RPS6KA2: variants seen among roughly 807,000 people sequenced by gnomAD.
RPS6KA2 encodes the protein ribosomal protein S6 kinase alpha-2.
RPS6KA2 carries 42 observed loss-of-function variants against 91.8 expected under a neutral mutation model. The observed-to-expected ratio is 0.46, with a 90% CI of 0.36 to 0.59. RPS6KA2 has a LOEUF of 0.59. Ranked by LOEUF, RPS6KA2 falls within the 20% of genes least tolerant of loss-of-function variation. The probability of loss-of-function intolerance (pLI) is 0.00; values close to 1 mark genes in which losing one functional copy is unlikely to be tolerated. For synonymous variants in RPS6KA2, 414 were observed against 393.6 expected, an observed-to-expected ratio of 1.05 and a Z score of -0.61; for missense variants, 798 against 978.5, an observed-to-expected ratio of 0.82 and a Z score of 2.46.
intron 2 of RPS6KA2, among the ~76,000 whole-genome samples, chr6:166,703,728 T>C (rs1789598901): frequency 6.6e-6 from 1 of 152,244 alleles, no homozygotes; most frequent in South Asian, 2.1e-4. Context: ...GGATTTTGTT[T>C]AGAAGAATGC....
intron 2 of RPS6KA2, among the ~76,000 whole-genome samples, chr6:166,789,712 C>T (rs1028941354): frequency 5.9e-5 from 9 of 152,152 alleles, no homozygotes; most frequent in South Asian, 4.1e-4. Context: ...CACCAATATC[C>T]GCTGTTCTGC....
At chr6:166,620,184 C>A (rs1786574000) in intron 1 of RPS6KA2, among the ~76,000 whole-genome samples, 1 of 152,214 alleles carries the variant, frequency 6.6e-6, no homozygotes, top group Admixed American at 6.5e-5. Context: ...GGTATGAGGC[C>A]TGTTTTTCTT....
intron 1 of RPS6KA2, among the ~76,000 whole-genome samples, chr6:166,578,889 G>A (rs918222386): frequency 3.3e-5 from 5 of 152,202 alleles, no homozygotes; most frequent in East Asian, 1.9e-4. Flanking sequence ...GGACAGGAAC[G>A]TCACAGCTTA....
intron 2 of RPS6KA2, among the ~76,000 whole-genome samples, chr6:166,828,505 T>A (rs1780102527): frequency 6.6e-6 from 1 of 152,246 alleles, no homozygotes; most frequent in South Asian, 2.1e-4. Flanking sequence ...AAGTACTTTA[T>A]CTATGGGAAT....
At chr6:166,449,416 C>T (rs182752865) in intron 13 of RPS6KA2, among the ~76,000 whole-genome samples, 193 of 152,260 alleles carry the variant, frequency 1.3e-3, no homozygotes, top group African/African-American at 4.5e-3. Flanking sequence ...AAATCCAATG[C>T]CATTCAACTT....
At chr6:166,565,752 G>T (rs1784481124) in intron 1 of RPS6KA2, among the ~76,000 whole-genome samples, 1 of 152,194 alleles carries the variant, frequency 6.6e-6, no homozygotes, top group Non-Finnish European at 1.5e-5. Flanking sequence ...GCTGGGGAGG[G>T]GTGCTCCTGT....
At chr6:166,851,389 C>T (rs189557085) in intron 2 of RPS6KA2, among the ~76,000 whole-genome samples, 158 of 152,290 alleles carry the variant, frequency 1.0e-3, no homozygotes, top group African/African-American at 3.4e-3. Context: ...ACGACCTCAA[C>T]GCAGAAGGTG....
chr6:166,620,761 G>A (rs530240397), intron 1 of RPS6KA2, among the ~76,000 whole-genome samples: 1 of 152,366 alleles, frequency 6.6e-6, no homozygotes, highest in South Asian at 2.1e-4. Flanking sequence ...CACTGATGAA[G>A]CATTTAATAA....
intron 3 of RPS6KA2, among the ~76,000 whole-genome samples, chr6:166,517,336 T>C (rs925292361): frequency 2.0e-4 from 30 of 151,344 alleles, no homozygotes; most frequent in South Asian, 8.3e-4. Context: ...AATCTGGCCA[T>C]AAACTGGCCC....
intron 1 of RPS6KA2, among the ~76,000 whole-genome samples, chr6:166,578,644 A>C (rs73257265): frequency 0.033 from 5,089 of 152,294 alleles, 286 homozygotes; most frequent in African/African-American, 0.12. Flanking sequence ...AGCATGCTCC[A>C]ATCTAGAGAG....
rs1778322718 is a variant in RPS6KA2, at chr6:166,412,060, T to A, written c.*702A>T. ...CTCCTCCGAGAGGCACCCCCTTCCATCCTGGTGACACGGAGCTCTCAAGGC... is the reference window on the plus strand; with the variant it reads ...CTCCTCCGAGAGGCACCCCCTTCCAACCTGGTGACACGGAGCTCTCAAGGC... On this transcript the variant is annotated 3_prime_UTR_variant, in exon 21 of 21. Transcript: ENST00000265678. The surrounding 1 kb of genome is among the most constrained non-coding windows in gnomAD (Gnocchi z 4.3). 6.6e-6 allele frequency: 1 copy of A among 152,060 alleles called. No homozygotes were observed. Among genetic ancestry groups the A allele is most frequent in the African/African-American group, 2.4e-5 (1 of 41,268 alleles). The allele number at this position is 152,060 out of a possible 1,614,324, so 9.4% of individuals were successfully genotyped here. A position where few individuals can be genotyped will look rare whatever the true frequency, so the allele number is the denominator to read the frequency against.
rs187607375 is a variant in RPS6KA2 at position 166,745,858 on chromosome 6, C to T, written c.123+112342G>A. Among the ~76,000 whole-genome samples, 440 of 152,282 alleles carry T rather than the reference C, an allele frequency of 2.9e-3. 3 individuals are homozygous for T. The highest frequency in any genetic ancestry group is 9.8e-3 in the African/African-American group (407 of 41,562). ...CCGAAATGTGGAGGTTAGAATCCAT[C>T]GTCTCTACAACTGGTGACTCAAAAA... On this transcript the variant is annotated intron_variant, in intron 2 of 21. Coordinates refer to the RPS6KA2 transcript ENST00000503859.
intron 17 of RPS6KA2, among the ~76,000 whole-genome samples, chr6:166,420,166 A>G (rs1225785865): frequency 6.6e-6 from 1 of 152,182 alleles, no homozygotes; most frequent in South Asian, 2.1e-4. Context: ...ATGGTAAACT[A>G]GTACTCTTTC....
chr6:166,421,849 T>C (rs1778732009), intron 17 of RPS6KA2, among the ~76,000 whole-genome samples: 2 of 152,082 alleles, frequency 1.3e-5, no homozygotes. Context: ...AATATTAATA[T>C]TGATTAAGTA....
In RPS6KA2 at chr6:166,627,079, A is replaced by C. The variant is rs543433775; in HGVS notation, c.-60T>G. 3,686 of 1,292,162 alleles carry C rather than the reference A, an allele frequency of 2.9e-3. 73 individuals are homozygous for C. In the African/African-American group the frequency reaches 0.045, roughly 16 times the overall value. 80.0% of individuals were successfully genotyped at this position (1,292,162 alleles called of 1,614,324 possible). ...GGGGGACGCGCATCCCCGGCATCCC[A>C]GGCGCGGGGCTCAGGTCCGCGGGCG... On this transcript the variant is annotated 5_prime_UTR_variant, in exon 1 of 21. Transcript: ENST00000265678.
At chr6:166,862,446 C>A in exon 1 of RPS6KA2, 1 of 1,213,724 alleles carries the variant, frequency 8.2e-7, no homozygotes, top group Non-Finnish European at 1.1e-6. Context: ...GAGCTGCTGC[C>A]GCTTCCCGCT....
Position 166,410,335 on chromosome 6 carries a change from G to A in RPS6KA2, c.*2427C>T, listed in dbSNP as rs1317668369. On this transcript the variant is annotated 3_prime_UTR_variant, in exon 21 of 21. Transcript: ENST00000265678. ...ATTCTAAGAACACCTTCATTTACAT[G>A]TCGACTGCTGCTTGAAAGCAGTCAC... 6.6e-6 allele frequency: 1 copy of A among 152,382 alleles called. No individual in the cohort carries two copies. The highest frequency in any genetic ancestry group is 1.5e-5 in the Non-Finnish European group (1 of 68,022). 9.4% of individuals were successfully genotyped at this position (152,382 alleles called of 1,614,324 possible). A position where few individuals can be genotyped will look rare whatever the true frequency, so the allele number is the denominator to read the frequency against.
intron 2 of RPS6KA2, among the ~76,000 whole-genome samples, chr6:166,781,278 C>T (rs2128610397): frequency 6.6e-6 from 1 of 152,332 alleles, no homozygotes; most frequent in South Asian, 2.1e-4. Context: ...CTTAATTATA[C>T]ATAAGTTGAC....
At position 166,647,212 on chromosome 6, in the gene RPS6KA2, G is replaced by C. The variant is rs558486679; in HGVS notation, c.124-108428C>G. ...CAGTAAATGACACTGATGTCATCAT[G>C]ATCACAGTTCTTCAAATCATCCTGA... On this transcript the variant is annotated intron_variant, in intron 2 of 21. Coordinates refer to the RPS6KA2 transcript ENST00000503859. Among the ~76,000 whole-genome samples the C allele has an allele frequency of 1.8e-4, 28 of 151,738 alleles. 1 individual carries two copies. The highest frequency in any genetic ancestry group is 5.2e-4 in the Admixed American group (8 of 15,258).
Sources: allele counts gnomAD v4.1 joint callset (sites outside exome capture counted in the v4.1 genomes callset), GRCh38; gene constraint gnomAD v4.1.1; non-coding constraint Gnocchi (gnomAD v3.1); transcripts MANE v1.5; gene names NCBI Gene and HGNC (gene_info 2026-07-23, HGNC 2026-07-21).